CDK14: variants seen among roughly 807,000 people sequenced by gnomAD.
CDK14 encodes cyclin-dependent kinase 14.
In CDK14, 34 loss-of-function variants were observed where a neutral mutation model predicts 60.7. The ratio of observed to expected loss-of-function variants is 0.56; its 90% CI spans 0.43 to 0.75. The LOEUF (loss-of-function observed/expected upper bound fraction) is 0.75, where lower values mean the gene tolerates loss of function less well. CDK14 is among the 30% of genes least tolerant of loss of function. The pLI is 0.00. For synonymous variants in CDK14, 197 were observed against 203.7 expected, an observed-to-expected ratio of 0.97 and a Z score of 0.28; for missense variants, 482 against 564.1, an observed-to-expected ratio of 0.85 and a Z score of 1.47.
At chr7:90,914,906 C>T (rs1309762504) in intron 7 of CDK14, among the ~76,000 whole-genome samples, 1 of 152,098 alleles carries the variant, frequency 6.6e-6, no homozygotes, top group African/African-American at 2.4e-5. Context: ...TGTAGGAGTA[C>T]CACCTATTAC....
At chr7:90,611,150 A>G (rs938330981) in intron 2 of CDK14, among the ~76,000 whole-genome samples, 3 of 151,332 alleles carry the variant, frequency 2.0e-5, no homozygotes, top group Admixed American at 6.6e-5. Flanking sequence ...TTTCTTTTCT[A>G]TGTTTTCTGC....
At chr7:90,787,863 A>G (rs1110457) in intron 4 of CDK14, among the ~76,000 whole-genome samples, 66,211 of 151,896 alleles carry the variant, frequency 0.44, 15,234 homozygotes, top group East Asian at 0.82. Flanking sequence ...GTTACCATAG[A>G]AAATATTTTC....
At chr7:91,170,987 CAA>C (rs1395136331) in intron 14 of CDK14, among the ~76,000 whole-genome samples, 2 of 151,982 alleles carry the variant, frequency 1.3e-5, no homozygotes, top group Non-Finnish European at 2.9e-5. Flanking sequence ...AGGCTGGTCT[CAA>C]ACTCCTGACC....
In CDK14 at chr7:91,112,656, G is replaced by A. The variant is rs775794454; in HGVS notation, c.1269G>A (p.Pro423=). 4.3e-6 allele frequency: 7 copies of A among 1,613,460 alleles called. No homozygotes were observed. The highest frequency in any genetic ancestry group is 4.0e-5 in the African/African-American group (3 of 74,870). The change falls in exon 13 of 15, where the codon CCG becomes CCA. Residue 423 remains proline, a synonymous_variant. Coordinates refer to ENST00000380050, the MANE Select transcript of CDK14 (RefSeq NM_001287135.2). ...ALSHEYFSDL[P]PRLWELTDMS... The stretch of plus-strand genomic sequence containing the variant: ...GCCACGAGTATTTTAGTGACCTGCC[G>A]CCACGGCTATGGGAACTCACCGACA...
intron 14 of CDK14, among the ~76,000 whole-genome samples, chr7:91,188,845 A>G (rs1251986928): frequency 2.0e-5 from 3 of 152,208 alleles, no homozygotes; most frequent in Non-Finnish European, 4.4e-5. Context: ...ACTCAAACAT[A>G]GTTTCTTTTC....
intron 3 of CDK14, among the ~76,000 whole-genome samples, chr7:90,734,316 T>C (rs1802996662): frequency 2.0e-5 from 3 of 152,158 alleles, no homozygotes; most frequent in African/African-American, 7.2e-5. Flanking sequence ...GGAGTATCTT[T>C]GTGGTGGTCT....
intron 14 of CDK14, among the ~76,000 whole-genome samples, chr7:91,143,846 T>C (rs1192769615): frequency 1.3e-5 from 2 of 152,212 alleles, no homozygotes; most frequent in East Asian, 3.8e-4. Flanking sequence ...TAGGTGTTCT[T>C]ATCCCCGTTT....
chr7:91,009,816 G>C (rs1025201702), intron 10 of CDK14, among the ~76,000 whole-genome samples: 1 of 152,068 alleles, frequency 6.6e-6, no homozygotes, highest in African/African-American at 2.4e-5. Context: ...TGAAGAGCAA[G>C]AGACATAATT....
At position 91,020,989 on chromosome 7, in the gene CDK14, C is replaced by T. The variant is rs79068248; in HGVS notation, c.1042-24908C>T. Among the ~76,000 whole-genome samples the T allele has an allele frequency of 6.6e-5, 10 of 152,288 alleles. No individual in the cohort carries two copies. In the East Asian group the frequency reaches 1.7e-3, roughly 26 times the overall value. On this transcript the variant is annotated intron_variant, in intron 10 of 14. Transcript: ENST00000380050. ...TTCTCACTGTCAGCTACAGGCTGTT[C>T]TCAGCTCCTGGAAGTGCCGTAGTTT...
intron 2 of CDK14, among the ~76,000 whole-genome samples, chr7:90,693,150 G>T (rs1004092078): frequency 5.3e-5 from 8 of 152,076 alleles, no homozygotes; most frequent in African/African-American, 1.9e-4. Flanking sequence ...ATTTTGAAGT[G>T]GTTGCTCTGT....
At chr7:90,803,719 T>C (rs1788729364) in intron 5 of CDK14, among the ~76,000 whole-genome samples, 1 of 152,214 alleles carries the variant, frequency 6.6e-6, no homozygotes, top group Non-Finnish European at 1.5e-5. Context: ...TTGAGAACTT[T>C]ACAAGTCATA....
chr7:90,955,569 T>G, intron 8 of CDK14, 128 bp from the exon 9 acceptor site: 4 of 955,066 alleles, frequency 4.2e-6, no homozygotes, highest in Non-Finnish European at 6.4e-6. Context: ...TCTATTAACC[T>G]TGATACTGCA....
At chr7:90,737,246 G>A (rs1207906514) in intron 3 of CDK14, among the ~76,000 whole-genome samples, 1 of 152,156 alleles carries the variant, frequency 6.6e-6, no homozygotes, top group East Asian at 1.9e-4. Flanking sequence ...ATTTCATTGA[G>A]TTATGCTGTC....
At chr7:90,968,473 C>T (rs1327064939) in intron 9 of CDK14, among the ~76,000 whole-genome samples, 1 of 152,196 alleles carries the variant, frequency 6.6e-6, no homozygotes, top group Non-Finnish European at 1.5e-5. Flanking sequence ...GTGGGTTGCT[C>T]ATCTTTTACT....
rs181727657 is a variant in CDK14 at position 90,671,575 on chromosome 7, G to A, written c.124-54992G>A. On this transcript the variant is annotated intron_variant, in intron 2 of 14. Coordinates refer to ENST00000380050, the MANE Select transcript of CDK14 (RefSeq NM_001287135.2). Reference sequence around the variant, plus strand: ...GGCAGTCGAGATGGCTTGTCTTGATGTTTCATTTTGATAGCAAGCTCGTAT... The same window carrying A: ...GGCAGTCGAGATGGCTTGTCTTGATATTTCATTTTGATAGCAAGCTCGTAT... Among the ~76,000 whole-genome samples the A allele has an allele frequency of 7.9e-3, 1,195 of 152,146 alleles. 7 individuals are homozygous for A. The highest frequency in any genetic ancestry group is 0.014 in the Middle Eastern group (4 of 294).
intron 8 of CDK14, among the ~76,000 whole-genome samples, chr7:90,923,082 A>G (rs1285289467): frequency 6.6e-6 from 1 of 150,834 alleles, no homozygotes; most frequent in Admixed American, 6.6e-5. Context: ...AGTATCATTG[A>G]GAATAATTTC....
At chr7:90,995,840 T>G (rs548473143) in intron 10 of CDK14, among the ~76,000 whole-genome samples, 5 of 152,198 alleles carry the variant, frequency 3.3e-5, no homozygotes, top group Non-Finnish European at 7.3e-5. Flanking sequence ...GGATTCTGAA[T>G]CCGAGTCTCA....
chr7:91,185,481 C>T (rs1347917896), intron 14 of CDK14, among the ~76,000 whole-genome samples: 2 of 151,972 alleles, frequency 1.3e-5, no homozygotes, highest in South Asian at 4.2e-4. Flanking sequence ...TCTCACTTAC[C>T]ATATAGAACT....
intron 14 of CDK14, among the ~76,000 whole-genome samples, chr7:91,177,590 C>G (rs1388964933): frequency 6.6e-6 from 1 of 152,094 alleles, no homozygotes; most frequent in African/African-American, 2.4e-5. Flanking sequence ...TCTCCTTAAG[C>G]TGATAAGCAA....
Sources: gnomAD v4.1 joint callset for allele counts (sites outside exome capture counted in the v4.1 genomes callset) on GRCh38, gnomAD v4.1.1 for gene constraint, MANE v1.5 for transcripts, NCBI Gene and HGNC (gene_info 2026-07-23, HGNC 2026-07-21) for gene names.